The following P4HB variants were observed in gnomAD, a reference collection of about 807,000 sequenced individuals.
P4HB encodes the protein prolyl 4-hydroxylase subunit beta, also known as protein disulfide-isomerase.
Under a neutral mutation model 52.6 loss-of-function variants are expected in P4HB, and 20 were observed. The ratio of observed to expected loss-of-function variants is 0.38; its 90% CI spans 0.27 to 0.55. P4HB has a LOEUF of 0.55. P4HB is among the 20% of genes least tolerant of loss of function. P4HB has a pLI of 0.74. For missense variants in P4HB, 601 were observed against 669.2 expected, an observed-to-expected ratio of 0.90 and a Z score of 1.12; for synonymous variants, 296 against 277.9, an observed-to-expected ratio of 1.07 and a Z score of -0.65.
intron 2 of P4HB, chr17:81,858,764 C>G: frequency 9.9e-6 from 2 of 202,504 alleles, no homozygotes; most frequent in East Asian, 2.7e-4. Context: ...GAGGAGAAAT[C>G]ACGCAAGCAC....
intron 4 of P4HB, among the ~76,000 whole-genome samples, chr17:81,853,916 G>A (rs969304214): frequency 2.6e-5 from 4 of 152,226 alleles, no homozygotes; most frequent in African/African-American, 4.8e-5. Flanking sequence ...CCTGGTGACC[G>A]AGAAAAGAGA....
In P4HB at chr17:81,846,999, T is replaced by G. The variant is rs200313631; in HGVS notation, c.803A>C (p.Tyr268Ser). 1 of 1,614,122 alleles carries G rather than the reference T, an allele frequency of 6.2e-7. No individual in the cohort carries two copies. Among genetic ancestry groups the G allele is most frequent in the Non-Finnish European group, 8.5e-7 (1 of 1,180,026 alleles). Residue 268 changes from tyrosine to serine, a missense_variant, in exon 6 of 11, where the codon TAT (tyrosine) becomes TCT (serine). Transcript: ENST00000331483. The surrounding 1 kb of genome is among the most constrained non-coding windows in gnomAD (Gnocchi z 5.7). Reference sequence around the variant, plus strand: ...TTTGAAGTTGCTCAGTTTGCCGTCATAGTCAGACACACTCTTGGGCAAGAA... The same window carrying G: ...TTTGAAGTTGCTCAGTTTGCCGTCAGAGTCAGACACACTCTTGGGCAAGAA... The part of the protein sequence containing the change: ...LLFLPKSVSD[Y>S]DGKLSNFKTA...
chr17:81,844,767 C>T (rs2038706906), intron 10 of P4HB, among the ~76,000 whole-genome samples: 1 of 152,248 alleles, frequency 6.6e-6, no homozygotes, highest in Non-Finnish European at 1.5e-5. Context: ...ACTAAACTCC[C>T]GAGGGCAGAC....
rs1185461781 is a variant in P4HB at position 81,855,573 on chromosome 17, A to G, written c.366T>C (p.Ala122=). 1 of 1,613,582 alleles carries G rather than the reference A, an allele frequency of 6.2e-7. No homozygotes were observed. The highest frequency in any genetic ancestry group is 8.5e-7 in the Non-Finnish European group (1 of 1,179,860). Residue 122 remains alanine (A), a synonymous_variant, in exon 3 of 11, where the codon GCT becomes GCC. Transcript: ENST00000331483. The surrounding 1 kb of genome is among the most constrained non-coding windows in gnomAD (Gnocchi z 4.3). ...SPKEYTAGRE[A]DDIVNWLKKR... Reference sequence around the variant, plus strand: ...TCTTCAGCCAGTTCACGATGTCATCAGCCTCTCTGCCAGCTAACCCCAAAC... The same window carrying G: ...TCTTCAGCCAGTTCACGATGTCATCGGCCTCTCTGCCAGCTAACCCCAAAC...
In P4HB at chr17:81,851,676, TC is replaced by T. The variant is rs538328785; in HGVS notation, c.624+3465del. 3.3e-5 allele frequency among the ~76,000 whole-genome samples: 5 copies of T among 152,238 alleles called. No individual in the cohort carries two copies. The South Asian group carries it at 1.0e-3, about 32-fold the overall frequency. ...ACCCCTGCAGAACAATGTCTCTGAC[TC>T]CCTCCAGAGTGTCAGGCGCCGCCTA... On this transcript the variant is annotated intron_variant, in intron 4 of 10. Coordinates refer to ENST00000331483, the MANE Select transcript of P4HB (RefSeq NM_000918.4).
At chr17:81,848,910 G>A (rs897526131) in intron 4 of P4HB, among the ~76,000 whole-genome samples, 1 of 151,608 alleles carries the variant, frequency 6.6e-6, no homozygotes, top group Non-Finnish European at 1.5e-5. Flanking sequence ...GCTGGGTGTG[G>A]TGGTGCACAC....
Position 81,846,550 on chromosome 17 carries a change from C to G in P4HB, c.935G>C (p.Cys312Ser). 1.2e-6 allele frequency: 2 copies of G among 1,614,032 alleles called. No individual in the cohort carries two copies. The highest frequency in any genetic ancestry group is 1.7e-6 in the Non-Finnish European group (2 of 1,180,004). The change falls in exon 7 of 11, where the codon TGC (cysteine) becomes TCC (serine). Residue 312 changes from cysteine (C) to serine (S), a missense_variant. Coordinates refer to ENST00000331483, the MANE Select transcript of P4HB (RefSeq NM_000918.4). The surrounding 1 kb of genome is among the most constrained non-coding windows in gnomAD (Gnocchi z 5.7). ...CAGGGTGATGAGGCGCACGGCCGGG[C>G]ACTCTTCCTTCTTCAGGCCAAAGAA... ...LEFFGLKKEE[C>S]PAVRLITLEE...
intron 2 of P4HB, among the ~76,000 whole-genome samples, chr17:81,858,573 G>A (rs947997054): frequency 3.3e-5 from 5 of 152,162 alleles, no homozygotes; most frequent in African/African-American, 1.2e-4. Context: ...GGCTACACAG[G>A]GGCTCGGCCT....
At chr17:81,857,272 C>A (rs2038926758) in intron 2 of P4HB, among the ~76,000 whole-genome samples, 1 of 152,148 alleles carries the variant, frequency 6.6e-6, no homozygotes, top group South Asian at 2.1e-4. Context: ...GTCAGCCTCC[C>A]AAGTAGCTGG....
At chr17:81,859,141 C>T in intron 2 of P4HB, 40 bp downstream of exon 2, 3 of 1,586,460 alleles carry the variant, frequency 1.9e-6, no homozygotes, top group South Asian at 1.1e-5. Context: ...CAGGCCAGTC[C>T]CTCTCTAAAG....
intron 4 of P4HB, among the ~76,000 whole-genome samples, chr17:81,851,902 G>C (rs1301600840): frequency 6.6e-6 from 1 of 152,252 alleles, no homozygotes; most frequent in Non-Finnish European, 1.5e-5. Flanking sequence ...CCCAATGCAG[G>C]CCGGGTGGTA....
In P4HB at chr17:81,846,854, G is replaced by A; in HGVS notation, c.855+93C>T. The A allele has an allele frequency of 1.2e-5, 18 of 1,501,164 alleles. No individual in the cohort carries two copies. The highest frequency in any genetic ancestry group is 1.7e-5 in the Non-Finnish European group (18 of 1,090,252). 93.0% of individuals were successfully genotyped at this position (1,501,164 alleles called of 1,614,324 possible). ...ATCAGGTGCCCGATCCAGTCCAGCA[G>A]GCAGCCTCAGGAAGGCCCCACACTT... On this transcript the variant is annotated intron_variant, in intron 6 of 10. Coordinates refer to ENST00000331483, the MANE Select transcript of P4HB (RefSeq NM_000918.4). This position sits in a 1 kb window ranked among gnomAD's most constrained non-coding sequence, Gnocchi z 5.7.
At chr17:81,851,936 G>T (rs1453094231) in intron 4 of P4HB, among the ~76,000 whole-genome samples, 1 of 152,212 alleles carries the variant, frequency 6.6e-6, no homozygotes, top group South Asian at 2.1e-4. Context: ...TAACCCCAAT[G>T]TTTTGGCAGG....
At position 81,843,368 on chromosome 17, in the gene P4HB, G is replaced by C. The variant is rs571475357; in HGVS notation, c.*644C>G. ...CACAATGAGCCCACGACAGGAGGAGGAGCCCTGGCTTGAGGGAAGGGGAAG... is the reference window on the plus strand; with the variant it reads ...CACAATGAGCCCACGACAGGAGGAGCAGCCCTGGCTTGAGGGAAGGGGAAG... On this transcript the variant is annotated 3_prime_UTR_variant, in exon 11 of 11. Coordinates refer to ENST00000331483, the MANE Select transcript of P4HB (RefSeq NM_000918.4). The C allele has an allele frequency of 3.8e-5, 15 of 397,482 alleles. No individual in the cohort carries two copies. The highest frequency in any genetic ancestry group is 8.8e-5 in the Admixed American group (2 of 22,764). 24.6% of individuals were successfully genotyped at this position (397,482 alleles called of 1,614,324 possible).
chr17:81,855,071 A>C lies in P4HB; in HGVS notation c.624+71T>G. 1 of 1,480,316 alleles carries C rather than the reference A, an allele frequency of 6.8e-7. No individual in the cohort carries two copies. Among genetic ancestry groups the C allele is most frequent in the Non-Finnish European group, 9.4e-7 (1 of 1,062,296 alleles). The allele number at this position is 1,480,316 out of a possible 1,614,324, so 91.7% of individuals were successfully genotyped here. On this transcript the variant is annotated intron_variant, in intron 4 of 10. Transcript: ENST00000331483. The surrounding 1 kb of genome is among the most constrained non-coding windows in gnomAD (Gnocchi z 4.3). Reference sequence around the variant, plus strand: ...CAGGAGCAAGGTTCCCTTAACGATAAGGAGAGCAACGCCACCCTCTGCAGA... The same window carrying C: ...CAGGAGCAAGGTTCCCTTAACGATACGGAGAGCAACGCCACCCTCTGCAGA...
intron 2 of P4HB, 189 bp downstream of exon 2, chr17:81,858,992 C>T (rs1197185561): frequency 3.3e-6 from 2 of 599,534 alleles, no homozygotes; most frequent in Non-Finnish European, 5.9e-6. Context: ...TTCGAAGGTT[C>T]TTCCAGGATG....
chr17:81,849,822 AT>A (rs2143333136), intron 4 of P4HB, among the ~76,000 whole-genome samples: 1 of 150,512 alleles, frequency 6.6e-6, no homozygotes, highest in South Asian at 2.1e-4. Context: ...TATTTTTAAA[AT>A]TTATTTATTT....
At position 81,855,086 on chromosome 17, in the gene P4HB, C is replaced by T; in HGVS notation, c.624+56G>A. On this transcript the variant is annotated intron_variant, in intron 4 of 10. Coordinates refer to ENST00000331483, the MANE Select transcript of P4HB (RefSeq NM_000918.4). The surrounding 1 kb of genome is among the most constrained non-coding windows in gnomAD (Gnocchi z 4.3). The stretch of plus-strand genomic sequence containing the variant: ...CTTAACGATAAGGAGAGCAACGCCA[C>T]CCTCTGCAGACCAACCCCAGAACTA... 6.3e-7 allele frequency: 1 copy of T among 1,579,292 alleles called. No individual in the cohort carries two copies.
chr17:81,855,358 C>CA lies in P4HB; in HGVS notation c.487-80dup. Reference sequence around the variant, plus strand: ...AGGGCAGACCCTGTAGAGCCCAGGCCAGGGGGGACACGTGCAGAACTGCCA... The same window carrying CA: ...AGGGCAGACCCTGTAGAGCCCAGGCCAAGGGGGGACACGTGCAGAACTGCCA... On this transcript the variant is annotated intron_variant, in intron 3 of 10. Coordinates refer to ENST00000331483, the MANE Select transcript of P4HB (RefSeq NM_000918.4). The surrounding 1 kb of genome is among the most constrained non-coding windows in gnomAD (Gnocchi z 4.3). The CA allele has an allele frequency of 6.2e-7, 1 of 1,601,714 alleles. No individual in the cohort carries two copies. Among genetic ancestry groups the CA allele is most frequent in the Non-Finnish European group, 8.5e-7 (1 of 1,171,364 alleles).
Sources: gnomAD v4.1 joint callset for allele counts (sites outside exome capture counted in the v4.1 genomes callset) on GRCh38, gnomAD v4.1.1 for gene constraint, Gnocchi (gnomAD v3.1) non-coding constraint, MANE v1.5 for transcripts, NCBI Gene and HGNC (gene_info 2026-07-23, HGNC 2026-07-21) for gene names.